The following FBXL13 variants were observed in gnomAD, a reference collection of about 807,000 sequenced individuals.
The protein encoded by FBXL13 is F-box and leucine rich repeat protein 13.
In FBXL13, 67 loss-of-function variants were observed where a neutral mutation model predicts 83.6. The observed-to-expected ratio is 0.80, with a 90% CI of 0.66 to 0.98. FBXL13 has a LOEUF of 0.98. Ranked by LOEUF, FBXL13 falls within the 50% of genes least tolerant of loss-of-function variation. FBXL13 has a pLI of 0.00. For missense variants in FBXL13, 822 were observed against 866.5 expected (o/e 0.95, Z 0.64); for synonymous variants, 272 against 299.5 (o/e 0.91, Z 0.95).
intron 8 of FBXL13, among the ~76,000 whole-genome samples, chr7:102,951,819 A>G (rs1823464718): frequency 6.6e-6 from 1 of 151,888 alleles, no homozygotes; most frequent in Non-Finnish European, 1.5e-5. Context: ...AAAAAAAAAA[A>G]AAAAGATTGG....
intron 11 of FBXL13, among the ~76,000 whole-genome samples, chr7:102,889,674 T>C (rs2129460072): frequency 6.6e-6 from 1 of 152,274 alleles, no homozygotes. Context: ...TGGTTTTTTG[T>C]CCTTGTGATA....
At chr7:102,873,843 C>A (rs984078425) in intron 16 of FBXL13, among the ~76,000 whole-genome samples, 4 of 152,196 alleles carry the variant, frequency 2.6e-5, no homozygotes, top group Non-Finnish European at 5.9e-5. Flanking sequence ...TTCTTTGGCT[C>A]ACAGAACACC....
chr7:102,834,151 A>C (rs1447647159), intron 17 of FBXL13, among the ~76,000 whole-genome samples: 1 of 78,786 alleles, frequency 1.3e-5, no homozygotes, highest in Non-Finnish European at 2.4e-5. Flanking sequence ...AAGAGAAGAC[A>C]AGAGAAAAGA....
intron 2 of FBXL13, among the ~76,000 whole-genome samples, chr7:103,048,813 C>T (rs1796534476): frequency 6.6e-6 from 1 of 152,038 alleles, no homozygotes; most frequent in Non-Finnish European, 1.5e-5. Flanking sequence ...TAGCTTTATT[C>T]TATTTAATTT....
At chr7:103,065,395 T>C (rs1157050090) in intron 1 of FBXL13, among the ~76,000 whole-genome samples, 1 of 152,208 alleles carries the variant, frequency 6.6e-6, no homozygotes, top group Non-Finnish European at 1.5e-5. Context: ...ATTAGTATAA[T>C]TTTGATAATG....
exon 9 of FBXL13, chr7:102,931,914 T>C (rs764607975): frequency 4.3e-6 from 7 of 1,613,578 alleles, no homozygotes; most frequent in Non-Finnish European, 5.9e-6. Flanking sequence ...CATTCAACTC[T>C]TGCAAGTTCC....
intron 17 of FBXL13, among the ~76,000 whole-genome samples, chr7:102,837,296 C>T (rs973484050): frequency 6.6e-6 from 1 of 152,204 alleles, no homozygotes; most frequent in African/African-American, 2.4e-5. Context: ...GCCAGGGAAA[C>T]CAGGCTGAGC....
chr7:102,915,206 T>C (rs1208001000), intron 10 of FBXL13, among the ~76,000 whole-genome samples: 2 of 151,420 alleles, frequency 1.3e-5, no homozygotes, highest in Non-Finnish European at 2.9e-5. Flanking sequence ...GGAACATGGA[T>C]GTAATCTGGT....
chr7:102,895,795 T>G (rs1812182468), intron 11 of FBXL13, among the ~76,000 whole-genome samples: 2 of 152,226 alleles, frequency 1.3e-5, no homozygotes, highest in African/African-American at 4.8e-5. Context: ...GATAGCTTTG[T>G]TCTCCCCATT....
intron 16 of FBXL13, among the ~76,000 whole-genome samples, chr7:102,855,411 A>G (rs1805891528): frequency 6.6e-6 from 1 of 152,086 alleles, no homozygotes. Context: ...TTTTAATTTA[A>G]AAAAAGAGAT....
At chr7:102,867,695 A>ATATTTTTT (rs1239781180) in intron 16 of FBXL13, among the ~76,000 whole-genome samples, 15 of 49,084 alleles carry the variant, frequency 3.1e-4, no homozygotes, top group African/African-American at 1.8e-3. Context: ...ATATATATAT[A>ATATTTTTT]TTTTTTTTTT....
intron 6 of FBXL13, among the ~76,000 whole-genome samples, chr7:102,983,422 CT>C (rs372458751): frequency 3.0e-3 from 340 of 111,532 alleles, no homozygotes; most frequent in Middle Eastern, 4.2e-3. Context: ...CTTTTTTCCC[CT>C]TTTTTTTTTT....
intron 6 of FBXL13, among the ~76,000 whole-genome samples, chr7:103,016,272 C>T (rs1054089899): frequency 2.5e-4 from 35 of 139,734 alleles, no homozygotes; most frequent in African/African-American, 9.3e-4. Flanking sequence ...CACTATAAGG[C>T]TATGGTAACC....
At chr7:102,843,134 GAGA>G (rs1186024624) in intron 17 of FBXL13, among the ~76,000 whole-genome samples, 1 of 152,160 alleles carries the variant, frequency 6.6e-6, no homozygotes, top group African/African-American at 2.4e-5. Flanking sequence ...GATTAAGGGA[GAGA>G]AGGAGTATGT....
At chr7:102,872,900 G>A (rs936901195) in intron 16 of FBXL13, among the ~76,000 whole-genome samples, 2 of 152,134 alleles carry the variant, frequency 1.3e-5, no homozygotes, top group East Asian at 1.9e-4. Context: ...TACTTGGTAG[G>A]TAACTTCCTA....
At chr7:102,818,226 TG>T (rs1302051061) in intron 19 of FBXL13, among the ~76,000 whole-genome samples, 1 of 152,232 alleles carries the variant, frequency 6.6e-6, no homozygotes, top group Non-Finnish European at 1.5e-5. Context: ...CTACCCTTAC[TG>T]ACCACATCCC....
At chr7:102,912,302 A>G (rs1193854650) in intron 11 of FBXL13, among the ~76,000 whole-genome samples, 3 of 152,240 alleles carry the variant, frequency 2.0e-5, no homozygotes, top group African/African-American at 4.8e-5. Flanking sequence ...ATAACTATCA[A>G]TATTTCAGCC....
At chr7:102,957,568 G>GA (rs1207848545) in intron 8 of FBXL13, among the ~76,000 whole-genome samples, 1 of 151,906 alleles carries the variant, frequency 6.6e-6, no homozygotes, top group African/African-American at 2.4e-5. Flanking sequence ...TTCTGCACGG[G>GA]AAAAAAACTG....
At chr7:102,982,276 T>G (rs531834767) in intron 6 of FBXL13, among the ~76,000 whole-genome samples, 1 of 152,268 alleles carries the variant, frequency 6.6e-6, no homozygotes, top group East Asian at 1.9e-4. Flanking sequence ...GTTAGCAGCA[T>G]AAGCTTATGG....
Sources: allele counts gnomAD v4.1 joint callset (sites outside exome capture counted in the v4.1 genomes callset), GRCh38; gene constraint gnomAD v4.1.1; transcripts MANE v1.5; gene names NCBI Gene and HGNC (gene_info 2026-07-23, HGNC 2026-07-21).